C7orf57: variants seen among roughly 807,000 people sequenced by gnomAD.
The protein encoded by C7orf57 is uncharacterized protein C7orf57.
Under a neutral mutation model 39.0 loss-of-function variants are expected in C7orf57, and 33 were observed. The ratio of observed to expected loss-of-function variants is 0.85; its 90% confidence interval spans 0.64 to 1.13. The LOEUF is 1.13. C7orf57 is among the 50% of genes most tolerant of loss of function. The pLI, the probability that C7orf57 is intolerant of heterozygous loss-of-function variation, is 0.00. For missense variants in C7orf57, 346 were observed against 362.3 expected, an observed-to-expected ratio of 0.95 and a Z score of 0.37; for synonymous variants, 124 against 137.1, an observed-to-expected ratio of 0.90 and a Z score of 0.67.
chr7:48,038,383 T>TATATATATATAGATAGATAGATAG (rs148010398), intron 2 of C7orf57, among the ~76,000 whole-genome samples: 1 of 150,130 alleles, frequency 6.7e-6, no homozygotes, highest in African/African-American at 2.5e-5. Context: ...TCTATATACA[T>TATATATATATAGATAGATAGATAG]ATAGATAGAT....
rs565120798 is a variant in C7orf57, at chr7:48,052,668, T to C, written c.606-32T>C. On this transcript the variant is annotated intron_variant, in intron 6 of 8. Transcript: ENST00000348904. ...TCTGCTTTATCATTAACCCTTGTAC[T>C]TAAGTTTCACATTACTTTTACTCTT... is the stretch of plus-strand genomic sequence containing the variant. 8.9e-6 allele frequency: 14 copies of C among 1,578,020 alleles called. No homozygotes were observed. The African/African-American group carries it at 1.8e-4, about 20-fold the overall frequency.
rs1562628395 is a variant in C7orf57, at chr7:48,049,952, G to C, written c.580G>C (p.Gly194Arg). The change falls in exon 6 of 9, where the codon GGA becomes CGA. Residue 194 changes from glycine (G) to arginine (R), a missense_variant. Physicochemically the swap from Gly to Arg is moderately radical, Grantham distance 125. Transcript: ENST00000348904. ...GTPLGPKNPA[G>R]SRLSFPPVPG... Reference sequence around the variant, plus strand: ...CCCACTTGGCCCTAAGAATCCTGCAGGAAGTAGACTCTCCTTCCCCCCCGT... The same window carrying C: ...CCCACTTGGCCCTAAGAATCCTGCACGAAGTAGACTCTCCTTCCCCCCCGT... 6.2e-7 allele frequency: 1 copy of C among 1,612,696 alleles called. No individual in the cohort carries two copies.
chr7:48,039,988 C>G (rs1302889676), intron 2 of C7orf57, among the ~76,000 whole-genome samples: 3 of 151,864 alleles, frequency 2.0e-5, no homozygotes, highest in Non-Finnish European at 4.4e-5. Context: ...TCTGGTTAAT[C>G]AATTTCAGAT....
chr7:48,037,772 C>T lies in C7orf57; in HGVS notation c.55+1409C>T, dbSNP rs113360927. Among the ~76,000 whole-genome samples the T allele has an allele frequency of 1.6e-4, 11 of 69,120 alleles. 1 individual carries two copies. Among genetic ancestry groups the T allele is most frequent in the African/African-American group, 2.0e-4 (4 of 20,012 alleles). The allele number at this position is 69,120 out of a possible 152,430, so 45.3% of individuals were successfully genotyped here. ...CTCTGTGTGTGTGTGTGTGTGTGCGCGCGCGTGCGTGTGTGTGAGGTGGTC... is the reference window on the plus strand; with the variant it reads ...CTCTGTGTGTGTGTGTGTGTGTGCGTGCGCGTGCGTGTGTGTGAGGTGGTC... On this transcript the variant is annotated intron_variant, in intron 2 of 8. Coordinates refer to ENST00000348904, the MANE Select transcript of C7orf57 (RefSeq NM_001100159.3).
intron 5 of C7orf57, among the ~76,000 whole-genome samples, chr7:48,049,195 C>T (rs937313719): frequency 2.0e-5 from 3 of 152,214 alleles, no homozygotes; most frequent in African/African-American, 7.2e-5. Context: ...GTGCTCCTGA[C>T]CACAATCAGC....
intron 3 of C7orf57, among the ~76,000 whole-genome samples, 154 bp from the exon 4 acceptor site, chr7:48,043,327 G>T (rs1373561533): frequency 6.6e-6 from 1 of 152,210 alleles, no homozygotes; most frequent in East Asian, 1.9e-4. Flanking sequence ...ACAGACAGGT[G>T]AGGATCAGGG....
At position 48,035,689 on chromosome 7, in the gene C7orf57, C is replaced by A; in HGVS notation, c.-102+59C>A. 1 of 613,416 alleles carries A rather than the reference C, an allele frequency of 1.6e-6. No homozygotes were observed. The allele number at this position is 613,416 out of a possible 1,614,324, so 38.0% of individuals were successfully genotyped here. On this transcript the variant is annotated intron_variant, in intron 1 of 8. Coordinates refer to ENST00000348904, the MANE Select transcript of C7orf57 (RefSeq NM_001100159.3). The surrounding 1 kb of genome is among the most constrained non-coding windows in gnomAD (Gnocchi z 4.0). ...GCCCACTGTGGTCCCGGGCCTTGTCCACTGTGCGGAGCTCGCAGTGCGGGC... is the reference window on the plus strand; with the variant it reads ...GCCCACTGTGGTCCCGGGCCTTGTCAACTGTGCGGAGCTCGCAGTGCGGGC...
chr7:48,047,267 G>A lies in C7orf57; in HGVS notation c.507+651G>A, dbSNP rs555995342. Among the ~76,000 whole-genome samples the A allele has an allele frequency of 2.0e-5, 3 of 152,282 alleles. No individual in the cohort carries two copies. The South Asian group carries it at 6.2e-4, about 32-fold the overall frequency. ...CACCAAGGGCTCAGTGTTGCCCGGGGCATCAGCACCAGGTCTCAGATTAGT... is the reference window on the plus strand; with the variant it reads ...CACCAAGGGCTCAGTGTTGCCCGGGACATCAGCACCAGGTCTCAGATTAGT... On this transcript the variant is annotated intron_variant, in intron 5 of 8. Coordinates refer to ENST00000348904, the MANE Select transcript of C7orf57 (RefSeq NM_001100159.3).
chr7:48,051,975 T>C (rs910074719), intron 6 of C7orf57, among the ~76,000 whole-genome samples: 6 of 148,902 alleles, frequency 4.0e-5, no homozygotes, highest in African/African-American at 1.5e-4. Context: ...CTCTCTCTTC[T>C]TTCTTTTCTT....
Position 48,052,890 on chromosome 7 carries a change from G to A in C7orf57, c.796G>A (p.Ala266Thr), listed in dbSNP as rs201408726. The A allele has an allele frequency of 4.8e-5, 78 of 1,613,698 alleles. No individual in the cohort carries two copies. The highest frequency in any genetic ancestry group is 3.8e-4 in the East Asian group (17 of 44,880). The change falls in exon 7 of 9, where the codon GCA becomes ACA. Residue 266 changes from alanine to threonine, a missense_variant. Coordinates refer to ENST00000348904, the MANE Select transcript of C7orf57 (RefSeq NM_001100159.3). ...GPQDAARLQD[A>T]EASEGPEDTP... ...CCAGGATGCAGCCAGGCTCCAGGAT[G>A]CAGAGGCTTCTGAAGGTCCTGAGGA...
rs373360459 is a variant in C7orf57, at chr7:48,041,499, C to T, written c.221C>T (p.Ala74Val). The change falls in exon 3 of 9, where the codon GCG becomes GTG. Residue 74 changes from alanine to valine, a missense_variant. Coordinates refer to ENST00000348904, the MANE Select transcript of C7orf57 (RefSeq NM_001100159.3). ...ACAGATTCGGAATATGTGAAGCTCG[C>T]GAAACAAGGTGGCAGGCCCGGTGAG... ...KETDSEYVKL[A>V]KQGGRPDLLK... is the part of the protein sequence containing the mutation. The T allele has an allele frequency of 2.2e-5, 36 of 1,607,336 alleles. No homozygotes were observed. The highest frequency in any genetic ancestry group is 8.4e-5 in the Admixed American group (5 of 59,718).
intron 7 of C7orf57, among the ~76,000 whole-genome samples, chr7:48,053,441 T>C (rs1791019681): frequency 1.3e-5 from 2 of 151,790 alleles, no homozygotes; most frequent in Admixed American, 1.3e-4. Context: ...TTATTTATTA[T>C]AATATTTTAT....
intron 2 of C7orf57, among the ~76,000 whole-genome samples, chr7:48,037,780 CGTGT>C (rs1313902211): frequency 1.1e-5 from 1 of 93,260 alleles, no homozygotes; most frequent in Non-Finnish European, 2.8e-5. Flanking sequence ...CGCGCGCGTG[CGTGT>C]GTGTGAGGTG....
intron 8 of C7orf57, among the ~76,000 whole-genome samples, chr7:48,059,369 G>A (rs1020155264): frequency 1.1e-4 from 16 of 151,866 alleles, no homozygotes; most frequent in Admixed American, 2.6e-4. Context: ...TTATTTTTTT[G>A]AGACAGGGTC....
At chr7:48,048,335 G>A (rs999675762) in intron 5 of C7orf57, among the ~76,000 whole-genome samples, 2 of 152,174 alleles carry the variant, frequency 1.3e-5, no homozygotes, top group Non-Finnish European at 2.9e-5. Context: ...CTGACAAAGC[G>A]CTTCCTCAGC....
At chr7:48,037,236 G>T (rs995482760) in intron 2 of C7orf57, among the ~76,000 whole-genome samples, 1 of 152,168 alleles carries the variant, frequency 6.6e-6, no homozygotes, top group African/African-American at 2.4e-5. Context: ...GCCTTTATGT[G>T]ACTTCTGGGT....
At chr7:48,051,865 TTCTTTCTCTTTC>T (rs1186157037) in intron 6 of C7orf57, among the ~76,000 whole-genome samples, 1 of 72,330 alleles carries the variant, frequency 1.4e-5, no homozygotes, top group East Asian at 3.0e-4. Context: ...CTTTCTTTCT[TTCTTTCTCTTTC>T]TCTTTCTTTC....
At chr7:48,055,578 G>A (rs1791093526) in intron 8 of C7orf57, among the ~76,000 whole-genome samples, 1 of 151,992 alleles carries the variant, frequency 6.6e-6, no homozygotes, top group Non-Finnish European at 1.5e-5. Flanking sequence ...CCTGTCTAAG[G>A]GAAACTTGGC....
intron 7 of C7orf57, among the ~76,000 whole-genome samples, chr7:48,053,463 A>AT (rs1326023697): frequency 6.6e-6 from 1 of 151,666 alleles, no homozygotes; most frequent in Non-Finnish European, 1.5e-5. Context: ...TTATTTATTT[A>AT]TTTTTTGAGA....
Sources: allele counts gnomAD v4.1 joint callset (sites outside exome capture counted in the v4.1 genomes callset), GRCh38; gene constraint gnomAD v4.1.1; non-coding constraint Gnocchi (gnomAD v3.1); transcripts MANE v1.5; gene names NCBI Gene and HGNC (gene_info 2026-07-23, HGNC 2026-07-21).